MTHFD1L: variants seen among roughly 807,000 people sequenced by gnomAD.
The protein encoded by MTHFD1L is methylenetetrahydrofolate dehydrogenase (NADP+ dependent) 1 like, also known as monofunctional C1-tetrahydrofolate synthase, mitochondrial.
MTHFD1L carries 81 observed loss-of-function variants against 119.5 expected under a neutral mutation model. That is an observed-to-expected ratio of 0.68 (90% CI 0.57 to 0.82). The LOEUF is 0.82. Ranked by LOEUF, MTHFD1L falls within the 40% of genes least tolerant of loss-of-function variation. MTHFD1L has a pLI of 0.00. For synonymous variants in MTHFD1L, 430 were observed against 475.2 expected, an observed-to-expected ratio of 0.90 and a Z score of 1.24; for missense variants, 1,125 against 1,253.4, an observed-to-expected ratio of 0.90 and a Z score of 1.55.
intron 16 of MTHFD1L, among the ~76,000 whole-genome samples, chr6:150,949,662 C>T (rs749213782): frequency 1.6e-4 from 24 of 152,134 alleles, no homozygotes; most frequent in Non-Finnish European, 2.8e-4. Flanking sequence ...GTGGAGTCCC[C>T]GTGAGCTCCC....
At chr6:151,067,577 G>T (rs1316486878) in intron 26 of MTHFD1L, among the ~76,000 whole-genome samples, 1 of 152,202 alleles carries the variant, frequency 6.6e-6, no homozygotes. Flanking sequence ...ACCCGCCTTG[G>T]CCTCCCAAAG....
At chr6:151,064,118 T>C (rs530525177) in intron 26 of MTHFD1L, among the ~76,000 whole-genome samples, 1 of 151,894 alleles carries the variant, frequency 6.6e-6, no homozygotes, top group Non-Finnish European at 1.5e-5. Flanking sequence ...TTTAAAGTTC[T>C]GGAGAATCAA....
At chr6:151,023,671 A>T (rs1214761375) in intron 24 of MTHFD1L, among the ~76,000 whole-genome samples, 1 of 152,202 alleles carries the variant, frequency 6.6e-6, no homozygotes, top group African/African-American at 2.4e-5. Flanking sequence ...TATTTATTAT[A>T]CTTACACATG....
chr6:150,949,001 C>G, intron 15 of MTHFD1L, 30 bp from the exon 16 acceptor site: 2 of 1,569,156 alleles, frequency 1.3e-6, no homozygotes, highest in Non-Finnish European at 1.8e-6. Flanking sequence ...TCTTCTCAAA[C>G]TTCTCACCTT....
intron 1 of MTHFD1L, among the ~76,000 whole-genome samples, chr6:150,867,252 T>C (rs546656265): frequency 9.2e-5 from 14 of 152,120 alleles, no homozygotes; most frequent in Admixed American, 3.9e-4. Flanking sequence ...AGTTCAGTGG[T>C]GCCATCTCGG....
At chr6:151,036,691 T>C (rs1786222617) in intron 25 of MTHFD1L, among the ~76,000 whole-genome samples, 1 of 152,130 alleles carries the variant, frequency 6.6e-6, no homozygotes, top group Non-Finnish European at 1.5e-5. Flanking sequence ...AGCCATGCTT[T>C]CCCCAAACAT....
intron 20 of MTHFD1L, among the ~76,000 whole-genome samples, chr6:150,986,086 C>T (rs1388497739): frequency 6.6e-6 from 1 of 152,172 alleles, no homozygotes; most frequent in Non-Finnish European, 1.5e-5. Flanking sequence ...AAACCAGAGG[C>T]AAACCTTATT....
intron 21 of MTHFD1L, among the ~76,000 whole-genome samples, chr6:151,012,685 G>A (rs191086516): frequency 1.3e-4 from 20 of 152,224 alleles, no homozygotes; most frequent in African/African-American, 4.3e-4. Flanking sequence ...GTATGAATCA[G>A]CATTCTTCAC....
In MTHFD1L at chr6:150,879,322, C is replaced by T. The variant is rs553256730; in HGVS notation, c.417+1496C>T. ...TTTCTTTTTTTTTGAGATGGAGTCT[C>T]GCTCTGTCAGGCTGGAGTGCGGTGG... On this transcript the variant is annotated intron_variant, in intron 4 of 27. Coordinates refer to ENST00000367321, the MANE Select transcript of MTHFD1L (RefSeq NM_015440.5). Among the ~76,000 whole-genome samples, 7 of 152,136 alleles carry T rather than the reference C, an allele frequency of 4.6e-5. No homozygotes were observed. In the South Asian group the frequency reaches 8.3e-4, roughly 18 times the overall value.
At chr6:150,891,198 C>A (rs1193892745) in intron 7 of MTHFD1L, among the ~76,000 whole-genome samples, 1 of 152,040 alleles carries the variant, frequency 6.6e-6, no homozygotes, top group Non-Finnish European at 1.5e-5. Context: ...GTTGGCCAGG[C>A]TGGTCTGGAA....
chr6:150,873,269 C>T (rs1435019357), intron 1 of MTHFD1L, among the ~76,000 whole-genome samples: 1 of 151,984 alleles, frequency 6.6e-6, no homozygotes, highest in Non-Finnish European at 1.5e-5. Flanking sequence ...GAGCCGAGAT[C>T]GTGCCACTGC....
At position 150,967,899 on chromosome 6, in the gene MTHFD1L, G is replaced by A. The variant is rs572629121; in HGVS notation, c.2013+2862G>A. Among the ~76,000 whole-genome samples, 20 of 152,226 alleles carry A rather than the reference G, an allele frequency of 1.3e-4. No homozygotes were observed. In the South Asian group the frequency reaches 1.9e-3, roughly 14 times the overall value. ...AAGCCCTGTTGCCTTCCTACTTAGA[G>A]TTCTTCCATGATTTACCCATGTTTC... On this transcript the variant is annotated intron_variant, in intron 19 of 27. Transcript: ENST00000367321.
intron 20 of MTHFD1L, among the ~76,000 whole-genome samples, chr6:150,974,862 G>T (rs1490377895): frequency 6.6e-6 from 1 of 151,638 alleles, no homozygotes; most frequent in African/African-American, 2.4e-5. Flanking sequence ...TCAGCCTCCC[G>T]AGTAGCTGGG....
At chr6:150,964,781 G>T (rs1041015590) in intron 18 of MTHFD1L, among the ~76,000 whole-genome samples, 188 bp from the exon 19 acceptor site, 1 of 152,200 alleles carries the variant, frequency 6.6e-6, no homozygotes, top group Admixed American at 6.5e-5. Flanking sequence ...TCACATCTTA[G>T]TGTGACTGAC....
chr6:150,898,825 A>C, intron 7 of MTHFD1L: 1 of 370,338 alleles, frequency 2.7e-6, no homozygotes, highest in Non-Finnish European at 5.0e-6. Flanking sequence ...AAGTATAGGG[A>C]AGATTATTAT....
intron 7 of MTHFD1L, among the ~76,000 whole-genome samples, chr6:150,890,367 C>T (rs1470249234): frequency 6.6e-6 from 1 of 152,052 alleles, no homozygotes; most frequent in Non-Finnish European, 1.5e-5. Flanking sequence ...GCTGAGTTGG[C>T]TCCATGAGTT....
chr6:150,956,678 GT>G (rs552732019), intron 17 of MTHFD1L, among the ~76,000 whole-genome samples: 35 of 150,878 alleles, frequency 2.3e-4, no homozygotes, highest in Admixed American at 6.0e-4. Flanking sequence ...ATTGTGTTGT[GT>G]TTTTTTTTCT....
intron 20 of MTHFD1L, among the ~76,000 whole-genome samples, chr6:150,975,546 G>C (rs1776431679): frequency 6.6e-6 from 1 of 152,128 alleles, no homozygotes; most frequent in South Asian, 2.1e-4. Flanking sequence ...TCAATCATAA[G>C]AATAGCCCCT....
At chr6:151,089,463 C>A (rs1794179196) in intron 26 of MTHFD1L, among the ~76,000 whole-genome samples, 1 of 152,196 alleles carries the variant, frequency 6.6e-6, no homozygotes, top group South Asian at 2.1e-4. Context: ...ATTAGCCGGG[C>A]ATGGTGGCAG....
Sources: allele counts gnomAD v4.1 joint callset (sites outside exome capture counted in the v4.1 genomes callset), GRCh38; gene constraint gnomAD v4.1.1; transcripts MANE v1.5; gene names NCBI Gene and HGNC (gene_info 2026-07-23, HGNC 2026-07-21).